PRKN: variants seen among roughly 807,000 people sequenced by gnomAD.
PRKN encodes the protein parkin RBR E3 ubiquitin protein ligase.
In PRKN, 56 loss-of-function variants were observed where a neutral mutation model predicts 59.5. That is an observed-to-expected ratio of 0.94 (90% CI 0.76 to 1.18). The LOEUF is 1.18. PRKN is among the 50% of genes most tolerant of loss of function. PRKN has a pLI of 0.00. For missense variants in PRKN, 657 were observed against 596.4 expected, an observed-to-expected ratio of 1.10 and a Z score of -1.06; for synonymous variants, 250 against 222.1, an observed-to-expected ratio of 1.13 and a Z score of -1.12.
At position 162,379,897 on chromosome 6, in the gene PRKN, C is replaced by T. The variant is rs1027306016; in HGVS notation, c.171+63413G>A. ...CTTCTGAGGTAGCTGATGAACATGC[C>T]GGCAGAGAGGTTGAATTCCGAGGTG... On this transcript the variant is annotated intron_variant, in intron 2 of 11. Coordinates refer to ENST00000366898, the MANE Select transcript of PRKN (RefSeq NM_004562.3). 8.6e-5 allele frequency among the ~76,000 whole-genome samples: 13 copies of T among 152,040 alleles called. No homozygotes were observed. In the South Asian group the frequency reaches 1.7e-3, roughly 19 times the overall value.
At chr6:162,380,929 CA>C (rs1375044100) in intron 2 of PRKN, among the ~76,000 whole-genome samples, 3 of 152,244 alleles carry the variant, frequency 2.0e-5, no homozygotes, top group Non-Finnish European at 4.4e-5. Flanking sequence ...GAAGCTACAA[CA>C]GCCACATGGG....
rs748110477 is a variant in PRKN, at chr6:162,443,458, T to A, written c.23A>T (p.Asn8Ile). ...CTCCACTGGGAAACCATGGCTGGAG[T>A]TGAACCTGACAAACACTGACCAAGG... MIVFVRFNSSHGFPVEVD... is the reference protein window; with the variant it reads MIVFVRFISSHGFPVEVD... Residue 8 changes from asparagine (N) to isoleucine (I), a missense_variant, in exon 2 of 12, where the codon AAC (asparagine) becomes ATC (isoleucine). By Grantham distance (149) the Asn-to-Ile change is moderately radical. Coordinates refer to ENST00000366898, the MANE Select transcript of PRKN (RefSeq NM_004562.3). The A allele has an allele frequency of 1.7e-5, 28 of 1,613,702 alleles. No homozygotes were observed. The South Asian group carries it at 2.7e-4, about 16-fold the overall frequency.
At chr6:162,566,010 G>A (rs1780061145) in intron 1 of PRKN, among the ~76,000 whole-genome samples, 1 of 151,904 alleles carries the variant, frequency 6.6e-6, no homozygotes, top group Non-Finnish European at 1.5e-5. Flanking sequence ...ATGATAAAGG[G>A]GTCAATTCAG....
At position 161,457,454 on chromosome 6, in the gene PRKN, A is replaced by T. The variant is rs1161795594; in HGVS notation, c.1084-70577T>A. Among the ~76,000 whole-genome samples, 2 of 152,236 alleles carry T rather than the reference A, an allele frequency of 1.3e-5. No homozygotes were observed. The highest frequency in any genetic ancestry group is 2.9e-5 in the Non-Finnish European group (2 of 68,040). ...TCTTCTAATTGCCCTACAATGATAC[A>T]ACTGTATTCTGAAAGGATACATGGA... On this transcript the variant is annotated intron_variant, in intron 9 of 11. Transcript: ENST00000366898. This position sits in a 1 kb window ranked among gnomAD's most constrained non-coding sequence, Gnocchi z 5.0.
chr6:161,859,113 A>C (rs1396288089), intron 6 of PRKN, among the ~76,000 whole-genome samples: 1 of 150,980 alleles, frequency 6.6e-6, no homozygotes, highest in East Asian at 2.0e-4. Context: ...CAAGTGATCC[A>C]CCACCTCGGC....
chr6:162,125,273 T>C (rs1176827939), intron 4 of PRKN, among the ~76,000 whole-genome samples: 1 of 152,196 alleles, frequency 6.6e-6, no homozygotes, highest in African/African-American at 2.4e-5. Context: ...AATAACTGCA[T>C]GTGAGTCCAC....
chr6:162,391,404 T>C (rs1787183120), intron 2 of PRKN, among the ~76,000 whole-genome samples: 1 of 151,504 alleles, frequency 6.6e-6, no homozygotes, highest in Non-Finnish European at 1.5e-5. Context: ...ATTTCGAACA[T>C]CTGCAATGAC....
At chr6:162,590,978 T>C (rs1583866116) in intron 1 of PRKN, among the ~76,000 whole-genome samples, 1 of 151,972 alleles carries the variant, frequency 6.6e-6, no homozygotes, top group Admixed American at 6.6e-5. Flanking sequence ...CCAGGTCTGA[T>C]GATATCATAG....
intron 6 of PRKN, among the ~76,000 whole-genome samples, chr6:161,937,551 C>T (rs904715011): frequency 2.0e-5 from 3 of 152,160 alleles, no homozygotes; most frequent in African/African-American, 4.8e-5. Flanking sequence ...TTTGGAAAAG[C>T]GCTCTGAACT....
intron 7 of PRKN, among the ~76,000 whole-genome samples, chr6:161,623,055 A>C (rs1183785614): frequency 1.3e-5 from 2 of 152,218 alleles, no homozygotes; most frequent in African/African-American, 4.8e-5. Context: ...AATAGATTGC[A>C]TGAGCCCCAG....
chr6:162,015,532 T>C (rs1045482502), intron 5 of PRKN, among the ~76,000 whole-genome samples: 8 of 152,170 alleles, frequency 5.3e-5, no homozygotes, highest in Non-Finnish European at 2.9e-5. Flanking sequence ...GAATGGCATT[T>C]GTAAGCTGGA....
intron 9 of PRKN, among the ~76,000 whole-genome samples, chr6:161,441,609 C>T (rs1004435385): frequency 3.4e-5 from 5 of 145,700 alleles, no homozygotes; most frequent in Admixed American, 2.8e-4. Flanking sequence ...CATGCCACTG[C>T]ACTCCAGCCT....
At chr6:162,123,515 G>A (rs1781004710) in intron 4 of PRKN, among the ~76,000 whole-genome samples, 1 of 152,032 alleles carries the variant, frequency 6.6e-6, no homozygotes, top group Non-Finnish European at 1.5e-5. Flanking sequence ...GTAATTTTGT[G>A]GTTAACTTTA....
intron 1 of PRKN, among the ~76,000 whole-genome samples, chr6:162,492,408 C>A (rs1792857403): frequency 6.6e-6 from 1 of 152,188 alleles, no homozygotes; most frequent in African/African-American, 2.4e-5. Flanking sequence ...TGCTGAGAGC[C>A]ACCTCTCTTG....
chr6:162,722,954 CATT>C (rs369083209), intron 1 of PRKN, among the ~76,000 whole-genome samples: 4 of 152,278 alleles, frequency 2.6e-5, no homozygotes, highest in African/African-American at 7.2e-5. Flanking sequence ...AATTTTACCT[CATT>C]ATAAACAGAA....
At chr6:161,987,765 C>A (rs1433143301) in intron 5 of PRKN, among the ~76,000 whole-genome samples, 1 of 152,088 alleles carries the variant, frequency 6.6e-6, no homozygotes, top group East Asian at 1.9e-4. Context: ...AATACTGCAT[C>A]TAAAATAAGT....
At chr6:162,228,436 T>C (rs1363228669) in intron 3 of PRKN, among the ~76,000 whole-genome samples, 1 of 152,130 alleles carries the variant, frequency 6.6e-6, no homozygotes, top group Non-Finnish European at 1.5e-5. Context: ...ATGACAAATA[T>C]TGGTAATGAG....
chr6:162,286,570 C>A (rs1781202987), intron 2 of PRKN, among the ~76,000 whole-genome samples: 1 of 152,110 alleles, frequency 6.6e-6, no homozygotes, highest in Non-Finnish European at 1.5e-5. Flanking sequence ...TTGTTGCTCC[C>A]AAAAACAAAA....
At chr6:162,424,811 T>C (rs1055103933) in intron 2 of PRKN, among the ~76,000 whole-genome samples, 5 of 147,864 alleles carry the variant, frequency 3.4e-5, no homozygotes, top group African/African-American at 7.5e-5. Context: ...AGTGGGGAGG[T>C]TGTGTGTAAG....
Sources: gnomAD v4.1 joint callset for allele counts (sites outside exome capture counted in the v4.1 genomes callset) on GRCh38, gnomAD v4.1.1 for gene constraint, Gnocchi (gnomAD v3.1) non-coding constraint, MANE v1.5 for transcripts, NCBI Gene and HGNC (gene_info 2026-07-23, HGNC 2026-07-21) for gene names.